Variants in SARNP observed in about 807,000 individuals in gnomAD.
SARNP encodes the protein SAP domain containing ribonucleoprotein.
A neutral mutation model predicts 38.1 loss-of-function variants in SARNP; 5 were observed. The observed-to-expected ratio is 0.13, with a 90% CI of 0.07 to 0.28. SARNP has a LOEUF of 0.28. SARNP is among the 10% of genes least tolerant of loss of function. The probability of loss-of-function intolerance (pLI) is 1.00; values close to 1 mark genes in which losing one functional copy is unlikely to be tolerated. For synonymous variants in SARNP, 84 were observed against 80.6 expected (o/e 1.04, Z -0.23); for missense variants, 180 against 243.9 (o/e 0.74, Z 1.75).
At chr12:55,768,502 G>A (rs553121632) in intron 9 of SARNP, among the ~76,000 whole-genome samples, 4 of 151,626 alleles carry the variant, frequency 2.6e-5, no homozygotes, top group Admixed American at 2.0e-4. Flanking sequence ...TCGGCTCACT[G>A]CAACCCCCAC....
chr12:55,789,451 A>G (rs1879598645), intron 8 of SARNP, among the ~76,000 whole-genome samples: 1 of 152,206 alleles, frequency 6.6e-6, no homozygotes, highest in Admixed American at 6.5e-5. Context: ...CATCACCTCC[A>G]AACAAGTCTA....
intron 10 of SARNP, among the ~76,000 whole-genome samples, chr12:55,760,051 A>T (rs1340174550): frequency 6.6e-6 from 1 of 152,212 alleles, no homozygotes; most frequent in South Asian, 2.1e-4. Flanking sequence ...AGCCAATTTT[A>T]GAATCCAAGC....
intron 6 of SARNP, 146 bp from the exon 7 acceptor site, chr12:55,794,533 G>A: frequency 3.8e-6 from 3 of 790,142 alleles, no homozygotes; most frequent in East Asian, 5.0e-5. Context: ...CCATGAAAGA[G>A]GTTCAGAAAT....
At chr12:55,808,143 C>A (rs989729938) in intron 1 of SARNP, among the ~76,000 whole-genome samples, 1 of 152,106 alleles carries the variant, frequency 6.6e-6, no homozygotes, top group Non-Finnish European at 1.5e-5. Flanking sequence ...GAGTTCTTCT[C>A]ATATACTAGG....
intron 1 of SARNP, among the ~76,000 whole-genome samples, chr12:55,813,446 A>G (rs1880390654): frequency 2.0e-5 from 3 of 152,038 alleles, no homozygotes; most frequent in Admixed American, 6.6e-5. Flanking sequence ...AGAAAACTCC[A>G]ATTGCAGCAT....
chr12:55,816,742 G>A (rs1242076751), intron 1 of SARNP, among the ~76,000 whole-genome samples: 1 of 152,106 alleles, frequency 6.6e-6, no homozygotes, highest in Admixed American at 6.5e-5. Flanking sequence ...TACCCTAAAA[G>A]AAAATACTTT....
Position 55,766,174 on chromosome 12 carries a change from T to C in SARNP, c.502-5534A>G, listed in dbSNP as rs186114442. On this transcript the variant is annotated intron_variant, in intron 9 of 10. Coordinates refer to ENST00000336133, the MANE Select transcript of SARNP (RefSeq NM_033082.4). ...CATTTGAAAACCTTTCCCTTCTTCA[T>C]CCCTCCCCCACTACCCTCTCTCAAA... Among the ~76,000 whole-genome samples the C allele has an allele frequency of 1.3e-3, 203 of 152,228 alleles. 1 individual carries two copies. The highest frequency in any genetic ancestry group is 2.9e-3 in the South Asian group (14 of 4,824).
chr12:55,790,716 T>G, intron 7 of SARNP, 124 bp from the exon 8 acceptor site: 1 of 955,208 alleles, frequency 1.0e-6, no homozygotes, highest in South Asian at 2.1e-5. Flanking sequence ...AGGCAGAAAT[T>G]GCATGTAGCG....
At chr12:55,800,190 C>CA (rs11393903) in intron 4 of SARNP, among the ~76,000 whole-genome samples, 5,673 of 139,368 alleles carry the variant, frequency 0.041, 343 homozygotes, top group African/African-American at 0.14. Flanking sequence ...GATCCTGTCT[C>CA]AAAAAAAAAA....
At chr12:55,814,534 G>A (rs1159504283) in intron 1 of SARNP, among the ~76,000 whole-genome samples, 1 of 152,112 alleles carries the variant, frequency 6.6e-6, no homozygotes, top group East Asian at 1.9e-4. Context: ...TACTGTTACA[G>A]TTCAAGCCAT....
At chr12:55,817,496 G>A (rs567648670) in intron 1 of SARNP, among the ~76,000 whole-genome samples, 170 bp downstream of exon 1, 5 of 152,374 alleles carry the variant, frequency 3.3e-5, no homozygotes, top group African/African-American at 1.2e-4. Context: ...AGGAGAAATG[G>A]GAAATTAGGG....
chr12:55,770,189 AAAAAG>A (rs956190908), intron 9 of SARNP, among the ~76,000 whole-genome samples: 1 of 152,124 alleles, frequency 6.6e-6, no homozygotes, highest in African/African-American at 2.4e-5. Context: ...CCTCAGAAGA[AAAAAG>A]AGAGAGGAAA....
chr12:55,796,701 C>G (rs924264735), intron 4 of SARNP, among the ~76,000 whole-genome samples: 1 of 152,164 alleles, frequency 6.6e-6, no homozygotes, highest in Non-Finnish European at 1.5e-5. Flanking sequence ...CCGAGCCCAG[C>G]CTTTAATTTA....
At chr12:55,793,374 T>A (rs1248796827) in intron 7 of SARNP, 2 of 152,124 alleles carry the variant, frequency 1.3e-5, no homozygotes, top group Non-Finnish European at 2.9e-5. Context: ...AAGAAATAAA[T>A]CATTCAAAAT....
At chr12:55,774,801 C>T (rs1879123531) in intron 9 of SARNP, among the ~76,000 whole-genome samples, 1 of 151,542 alleles carries the variant, frequency 6.6e-6, no homozygotes, top group South Asian at 2.1e-4. Context: ...CTCAGTTACG[C>T]ATCTCCCCTG....
chr12:55,752,609 T>C (rs1162358307), downstream of SARNP: 1 of 152,174 alleles, frequency 6.6e-6, no homozygotes. Flanking sequence ...TTTTGTGTAT[T>C]TGTCACATTG....
At chr12:55,795,285 G>C (rs1879788948) in intron 5 of SARNP, among the ~76,000 whole-genome samples, 1 of 152,128 alleles carries the variant, frequency 6.6e-6, no homozygotes, top group Non-Finnish European at 1.5e-5. Context: ...AAAAACATCA[G>C]AAGTAATTTC....
chr12:55,773,955 G>A (rs889748011), intron 9 of SARNP, among the ~76,000 whole-genome samples: 8 of 151,870 alleles, frequency 5.3e-5, no homozygotes, highest in African/African-American at 9.7e-5. Flanking sequence ...TGATCCACCC[G>A]CCTTGGCCTC....
chr12:55,817,572 G>C (rs1202018918), intron 1 of SARNP, 94 bp downstream of exon 1: 2 of 1,201,066 alleles, frequency 1.7e-6, no homozygotes, highest in Non-Finnish European at 2.4e-6. Context: ...AGTGGAAAAG[G>C]CTGCACGGAG....
Sources: gnomAD v4.1 joint callset for allele counts (sites outside exome capture counted in the v4.1 genomes callset) on GRCh38, gnomAD v4.1.1 for gene constraint, MANE v1.5 for transcripts, NCBI Gene and HGNC (gene_info 2026-07-23, HGNC 2026-07-21) for gene names.